Variants in SNCAIP observed in about 807,000 individuals in gnomAD.
The protein encoded by SNCAIP is synphilin-1.
SNCAIP carries 43 observed loss-of-function variants against 86.7 expected under a neutral mutation model. That is an observed-to-expected ratio of 0.50 (90% CI 0.39 to 0.64). The LOEUF (loss-of-function observed/expected upper bound fraction) is 0.64. Ranked by LOEUF, SNCAIP falls within the 30% of genes least tolerant of loss-of-function variation. The pLI is 0.00. For missense variants in SNCAIP, 981 were observed against 1,103.1 expected, an observed-to-expected ratio of 0.89 and a Z score of 1.57; for synonymous variants, 417 against 427.2, an observed-to-expected ratio of 0.98 and a Z score of 0.29.
chr5:122,452,374 ACT>A (rs1783871986), intron 10 of SNCAIP, among the ~76,000 whole-genome samples: 1 of 152,084 alleles, frequency 6.6e-6, no homozygotes, highest in Admixed American at 6.6e-5. Flanking sequence ...AAAATGCAAA[ACT>A]CTCTGTGGAA....
intron 3 of SNCAIP, among the ~76,000 whole-genome samples, chr5:122,413,408 A>G (rs973051567): frequency 3.9e-5 from 6 of 152,146 alleles, no homozygotes; most frequent in African/African-American, 9.7e-5. Context: ...TTCTCACGTA[A>G]TTGGCTTCTT....
intron 1 of SNCAIP, among the ~76,000 whole-genome samples, chr5:122,322,951 A>G (rs1753276824): frequency 1.3e-5 from 2 of 152,346 alleles, no homozygotes; most frequent in Admixed American, 1.3e-4. Context: ...TTCAAAGATG[A>G]CAGCTCTGGT....
chr5:122,430,617 A>G (rs1256837136), intron 5 of SNCAIP, among the ~76,000 whole-genome samples: 5 of 152,200 alleles, frequency 3.3e-5, no homozygotes, highest in African/African-American at 1.2e-4. Context: ...GGGTTTATAT[A>G]TCATACTGCT....
chr5:122,344,866 T>A (rs745482559), intron 1 of SNCAIP, among the ~76,000 whole-genome samples: 5 of 152,224 alleles, frequency 3.3e-5, no homozygotes, highest in Non-Finnish European at 5.9e-5. Context: ...GCCATTATCC[T>A]CAATAATTTG....
At chr5:122,430,150 A>T (rs1453347310) in intron 5 of SNCAIP, among the ~76,000 whole-genome samples, 1 of 152,150 alleles carries the variant, frequency 6.6e-6, no homozygotes, top group Non-Finnish European at 1.5e-5. Flanking sequence ...TTTTAGAATA[A>T]ATTTTTACCC....
intron 1 of SNCAIP, among the ~76,000 whole-genome samples, chr5:122,357,008 T>G (rs1220417633): frequency 6.6e-6 from 1 of 152,148 alleles, no homozygotes; most frequent in African/African-American, 2.4e-5. Context: ...CTCCTTTCCA[T>G]GGGCCATAAA....
intron 5 of SNCAIP, 51 bp from the exon 6 acceptor site, chr5:122,431,918 C>A: frequency 1.1e-6 from 1 of 911,086 alleles, no homozygotes; most frequent in Non-Finnish European, 1.8e-6. Flanking sequence ...ATGTATTTTT[C>A]AAACCTGAGT....
chr5:122,426,835 T>C (rs953179243), intron 5 of SNCAIP, among the ~76,000 whole-genome samples: 2 of 152,232 alleles, frequency 1.3e-5, no homozygotes. Flanking sequence ...TTTAATATAG[T>C]TGAGCTTAAC....
intron 1 of SNCAIP, among the ~76,000 whole-genome samples, chr5:122,385,701 G>C (rs1308284061): frequency 7.0e-6 from 1 of 143,656 alleles, no homozygotes; most frequent in African/African-American, 2.6e-5. Context: ...GTGTGTGTGT[G>C]TGTGTGTGTG....
intron 1 of SNCAIP, among the ~76,000 whole-genome samples, chr5:122,362,531 T>C (rs999604880): frequency 5.9e-5 from 9 of 152,092 alleles, no homozygotes; most frequent in African/African-American, 2.2e-4. Context: ...GTGAAGAGAA[T>C]TGTAGTGGAT....
At chr5:122,367,451 G>A (rs532575186) in intron 1 of SNCAIP, among the ~76,000 whole-genome samples, 6 of 152,256 alleles carry the variant, frequency 3.9e-5, no homozygotes, top group East Asian at 1.9e-4. Context: ...GAGAAAAGAC[G>A]GGATGAAATC....
intron 1 of SNCAIP, among the ~76,000 whole-genome samples, chr5:122,380,836 T>A (rs1766586338): frequency 6.6e-6 from 1 of 152,198 alleles, no homozygotes; most frequent in Non-Finnish European, 1.5e-5. Context: ...TCAGTTTCCA[T>A]GTAGTTGAGC....
chr5:122,336,174 A>AAG (rs754249500), intron 1 of SNCAIP, among the ~76,000 whole-genome samples: 6 of 149,280 alleles, frequency 4.0e-5, no homozygotes, highest in Non-Finnish European at 8.9e-5. Context: ...ACTGGTTATC[A>AAG]AGAGAGAGAG....
chr5:122,322,368 A>T (rs1013307452), intron 1 of SNCAIP, among the ~76,000 whole-genome samples: 1 of 152,248 alleles, frequency 6.6e-6, no homozygotes, highest in African/African-American at 2.4e-5. Context: ...CACATATTCA[A>T]ATAAATTCAA....
chr5:122,391,783 C>A (rs1406658878), intron 2 of SNCAIP, among the ~76,000 whole-genome samples: 2 of 152,162 alleles, frequency 1.3e-5, no homozygotes, highest in African/African-American at 4.8e-5. Flanking sequence ...ATAACAGCCA[C>A]AAACTTCCTG....
At chr5:122,391,231 C>T (rs751391291) in intron 2 of SNCAIP, 40 bp downstream of exon 2, 48 of 1,352,950 alleles carry the variant, frequency 3.5e-5, no homozygotes, top group Non-Finnish European at 4.8e-5. Context: ...TCAAGATAAT[C>T]TGCCTTCAAC....
intron 3 of SNCAIP, among the ~76,000 whole-genome samples, chr5:122,422,638 A>T (rs1360854209): frequency 2.0e-5 from 3 of 152,152 alleles, no homozygotes; most frequent in Non-Finnish European, 4.4e-5. Flanking sequence ...CTGTACCATT[A>T]TTATTACTTT....
At chr5:122,460,915 C>T (rs1786042880) in intron 10 of SNCAIP, among the ~76,000 whole-genome samples, 1 of 152,170 alleles carries the variant, frequency 6.6e-6, no homozygotes, top group Non-Finnish European at 1.5e-5. Flanking sequence ...CAGCTATCAT[C>T]CTGGAGTCTC....
chr5:122,453,582 T>C (rs920122278), intron 10 of SNCAIP, among the ~76,000 whole-genome samples: 3 of 152,158 alleles, frequency 2.0e-5, no homozygotes, highest in African/African-American at 7.2e-5. Context: ...CAATTCAAAA[T>C]GCATGGACTA....
Sources: gnomAD v4.1 joint callset for allele counts (sites outside exome capture counted in the v4.1 genomes callset) on GRCh38, gnomAD v4.1.1 for gene constraint, MANE v1.5 for transcripts, NCBI Gene and HGNC (gene_info 2026-07-23, HGNC 2026-07-21) for gene names.